KCNQ3: variants seen among roughly 807,000 people sequenced by gnomAD.
KCNQ3 encodes potassium voltage-gated channel subfamily KQT member 3.
In KCNQ3, 30 loss-of-function variants were observed where a neutral mutation model predicts 92.5. The observed-to-expected ratio is 0.32, with a 90% confidence interval of 0.24 to 0.44. KCNQ3 has a LOEUF of 0.44. Ranked by LOEUF, KCNQ3 falls within the 20% of genes least tolerant of loss-of-function variation. The pLI is 1.00. For missense variants in KCNQ3, 913 were observed against 1,140.3 expected, an observed-to-expected ratio of 0.80 and a Z score of 2.87; for synonymous variants, 450 against 468.8, an observed-to-expected ratio of 0.96 and a Z score of 0.52.
intron 1 of KCNQ3, among the ~76,000 whole-genome samples, chr8:132,467,237 C>T (rs554261709): frequency 1.2e-4 from 19 of 152,242 alleles, no homozygotes; most frequent in Non-Finnish European, 2.6e-4. Context: ...CTCTCAGCCA[C>T]ACCTTAGAAC....
chr8:132,407,171 C>A (rs1271253831), intron 1 of KCNQ3, among the ~76,000 whole-genome samples: 1 of 152,058 alleles, frequency 6.6e-6, no homozygotes, highest in Non-Finnish European at 1.5e-5. Flanking sequence ...GGGCAGGGAC[C>A]CTTCCCAGTT....
At chr8:132,339,936 T>C (rs547762159) in intron 1 of KCNQ3, among the ~76,000 whole-genome samples, 1 of 151,830 alleles carries the variant, frequency 6.6e-6, no homozygotes, top group Non-Finnish European at 1.5e-5. Flanking sequence ...AAATTTACTC[T>C]TCTGAGTGCG....
At chr8:132,281,014 T>C (rs1816496404) in intron 1 of KCNQ3, among the ~76,000 whole-genome samples, 1 of 151,912 alleles carries the variant, frequency 6.6e-6, no homozygotes, top group South Asian at 2.1e-4. Flanking sequence ...ATCATCAGGG[T>C]TATTGTTCAG....
At chr8:132,241,417 G>A (rs1448112095) in intron 1 of KCNQ3, among the ~76,000 whole-genome samples, 1 of 150,826 alleles carries the variant, frequency 6.6e-6, no homozygotes, top group Non-Finnish European at 1.5e-5. Flanking sequence ...TTTACTTTGA[G>A]ACGGAATTTC....
At chr8:132,188,666 C>G (rs1276831900) in intron 1 of KCNQ3, among the ~76,000 whole-genome samples, 1 of 152,068 alleles carries the variant, frequency 6.6e-6, no homozygotes, top group Non-Finnish European at 1.5e-5. Flanking sequence ...CTCTTTTGTC[C>G]CAGACATAGT....
At chr8:132,198,302 C>G (rs1275875041) in intron 1 of KCNQ3, among the ~76,000 whole-genome samples, 1 of 152,150 alleles carries the variant, frequency 6.6e-6, no homozygotes, top group African/African-American at 2.4e-5. Context: ...GGACCCTGAA[C>G]AGAAGACCTA....
intron 1 of KCNQ3, among the ~76,000 whole-genome samples, chr8:132,254,814 G>A (rs1815528118): frequency 6.6e-6 from 1 of 152,252 alleles, no homozygotes; most frequent in African/African-American, 2.4e-5. Flanking sequence ...GGGAGACAGA[G>A]GTTGCAATGG....
intron 1 of KCNQ3, among the ~76,000 whole-genome samples, chr8:132,256,868 G>C (rs1815605480): frequency 6.6e-6 from 1 of 152,066 alleles, no homozygotes; most frequent in African/African-American, 2.4e-5. Context: ...ATATTGAAAG[G>C]AGTCTTTTAG....
intron 1 of KCNQ3, among the ~76,000 whole-genome samples, chr8:132,418,251 G>A (rs2130806988): frequency 6.6e-6 from 1 of 152,332 alleles, no homozygotes; most frequent in African/African-American, 2.4e-5. Context: ...GCTTTCTGAA[G>A]AGGAGCGGCA....
chr8:132,351,793 G>A lies in KCNQ3; in HGVS notation c.386+128354C>T, dbSNP rs1448746629. Among the ~76,000 whole-genome samples, 4 of 152,196 alleles carry A rather than the reference G, an allele frequency of 2.6e-5. No homozygotes were observed. The South Asian group carries it at 6.2e-4, about 24-fold the overall frequency. ...TTGACTCAGTTTTGCTTCTTTCCCTGAGAGGCACTGGCTATAGGGATAAGA... is the reference window on the plus strand; with the variant it reads ...TTGACTCAGTTTTGCTTCTTTCCCTAAGAGGCACTGGCTATAGGGATAAGA... On this transcript the variant is annotated intron_variant, in intron 1 of 14. Coordinates refer to ENST00000388996, the MANE Select transcript of KCNQ3 (RefSeq NM_004519.4).
Position 132,303,677 on chromosome 8 carries a change from T to TATACATACAC in KCNQ3, c.387-117497_387-117496insGTGTATGTAT, listed in dbSNP as rs376933089. On this transcript the variant is annotated intron_variant, in intron 1 of 14. Coordinates refer to ENST00000388996, the MANE Select transcript of KCNQ3 (RefSeq NM_004519.4). ...TTTATGGTGTGTGTGTATATATATA[T>TATACATACAC]ACACACACACAGCCACACCACACAC... 2.3e-3 allele frequency among the ~76,000 whole-genome samples: 200 copies of TATACATACAC among 85,994 alleles called. 6 individuals are homozygous for TATACATACAC. The highest frequency in any genetic ancestry group is 8.5e-3 in the African/African-American group (189 of 22,184). The allele number at this position is 85,994 out of a possible 152,430, so 56.4% of individuals were successfully genotyped here.
intron 1 of KCNQ3, among the ~76,000 whole-genome samples, chr8:132,442,972 G>C (rs1382880470): frequency 1.3e-5 from 2 of 152,136 alleles, no homozygotes; most frequent in Non-Finnish European, 2.9e-5. Flanking sequence ...CTCAGCCCCA[G>C]AGACAGGCTC....
At chr8:132,443,241 C>T (rs951122818) in intron 1 of KCNQ3, among the ~76,000 whole-genome samples, 1 of 152,090 alleles carries the variant, frequency 6.6e-6, no homozygotes, top group Non-Finnish European at 1.5e-5. Context: ...GGAATCACAC[C>T]CCTCCCCATC....
At chr8:132,443,857 C>T (rs1304209087) in intron 1 of KCNQ3, among the ~76,000 whole-genome samples, 2 of 152,130 alleles carry the variant, frequency 1.3e-5, no homozygotes, top group East Asian at 1.9e-4. Context: ...CACTCTTTAC[C>T]CCCCCATTTG....
rs1824762459 is a variant in KCNQ3 at position 132,129,051 on chromosome 8, T to A, written c.*211A>T. The A allele has an allele frequency of 3.3e-6, 2 of 605,266 alleles. No homozygotes were observed. The highest frequency in any genetic ancestry group is 3.7e-5 in the African/African-American group (2 of 53,964). 37.5% of individuals were successfully genotyped at this position (605,266 alleles called of 1,614,324 possible). A position where few individuals can be genotyped will look rare whatever the true frequency, so the allele number is the denominator to read the frequency against. On this transcript the variant is annotated 3_prime_UTR_variant, in exon 15 of 15. Transcript: ENST00000388996. The surrounding 1 kb of genome is among the most constrained non-coding windows in gnomAD (Gnocchi z 5.9). ...GCGGAACCATTTATATAGTGTAAAG[T>A]CATGCAAACCATGCTGAAAAGGAAG... is the stretch of plus-strand genomic sequence containing the variant.
intron 1 of KCNQ3, among the ~76,000 whole-genome samples, chr8:132,373,202 C>T (rs1203695463): frequency 6.6e-6 from 1 of 152,078 alleles, no homozygotes; most frequent in Non-Finnish European, 1.5e-5. Flanking sequence ...AAGTCAGCCA[C>T]CTGCGGTCTG....
intron 1 of KCNQ3, among the ~76,000 whole-genome samples, chr8:132,201,208 T>C (rs2130258288): frequency 6.6e-6 from 1 of 152,334 alleles, no homozygotes; most frequent in Admixed American, 6.5e-5. Context: ...CACTGTTGCA[T>C]TGGGGATTAC....
intron 1 of KCNQ3, among the ~76,000 whole-genome samples, chr8:132,229,751 C>T (rs1007109628): frequency 1.3e-5 from 2 of 151,956 alleles, no homozygotes; most frequent in African/African-American, 2.4e-5. Context: ...TTCCAAGAGG[C>T]ATGTTCTTGT....
At chr8:132,335,992 T>C (rs1258176611) in intron 1 of KCNQ3, among the ~76,000 whole-genome samples, 2 of 152,172 alleles carry the variant, frequency 1.3e-5, no homozygotes, top group African/African-American at 4.8e-5. Context: ...GACTAATTTG[T>C]AGAGAAGAGG....
Sources: gnomAD v4.1 joint callset for allele counts (sites outside exome capture counted in the v4.1 genomes callset) on GRCh38, gnomAD v4.1.1 for gene constraint, Gnocchi (gnomAD v3.1) non-coding constraint, MANE v1.5 for transcripts, NCBI Gene and HGNC (gene_info 2026-07-23, HGNC 2026-07-21) for gene names.